ITSN1: variants seen among roughly 807,000 people sequenced by gnomAD.
ITSN1 encodes the protein intersectin 1, also known as intersectin-1.
In ITSN1, 58 loss-of-function variants were observed where a neutral mutation model predicts 239.8. The ratio of observed to expected loss-of-function variants is 0.24; its 90% CI spans 0.20 to 0.30. The LOEUF (loss-of-function observed/expected upper bound fraction) is 0.30, where lower values mean the gene tolerates loss of function less well. Among genes scored for constraint, ITSN1 ranks in the 10% least tolerant of loss-of-function variants. ITSN1 has a pLI of 1.00. For missense variants in ITSN1, 1,558 were observed against 2,103.3 expected (o/e 0.74, Z 5.07); for synonymous variants, 780 against 770.8 (o/e 1.01, Z -0.20).
chr21:33,720,744 C>T (rs2147085922), intron 2 of ITSN1, among the ~76,000 whole-genome samples: 1 of 152,194 alleles, frequency 6.6e-6, no homozygotes, highest in Admixed American at 6.6e-5. Flanking sequence ...TAATCACCCC[C>T]CAAAAGATTT....
At chr21:33,682,326 G>A (rs1040704676) in intron 1 of ITSN1, among the ~76,000 whole-genome samples, 3 of 149,656 alleles carry the variant, frequency 2.0e-5, no homozygotes, top group Non-Finnish European at 3.0e-5. Context: ...AGCGATTCTC[G>A]CTTCTCAGCC....
At chr21:33,726,852 A>G (rs541728457) in intron 4 of ITSN1, among the ~76,000 whole-genome samples, 120 of 152,260 alleles carry the variant, frequency 7.9e-4, no homozygotes, top group African/African-American at 2.8e-3. Flanking sequence ...AGAATTGGAA[A>G]CTGTGTCTAG....
At position 33,893,704 on chromosome 21, in the gene ITSN1, T is replaced by G. The variant is rs1424368015; in HGVS notation, c.*5404T>G. Reference sequence around the variant, plus strand: ...ACAGCTTCCTCTGGATCCTGCTTCTTTGTACTTGGAACACAGTTTATTTGA... The same window carrying G: ...ACAGCTTCCTCTGGATCCTGCTTCTGTGTACTTGGAACACAGTTTATTTGA... On this transcript the variant is annotated 3_prime_UTR_variant, in exon 40 of 40. Coordinates refer to ENST00000381318, the MANE Select transcript of ITSN1 (RefSeq NM_003024.3). 6.6e-6 allele frequency: 1 copy of G among 152,228 alleles called. No homozygotes were observed. Among genetic ancestry groups the G allele is most frequent in the Non-Finnish European group, 1.5e-5 (1 of 68,054 alleles). 9.4% of individuals were successfully genotyped at this position (152,228 alleles called of 1,614,324 possible).
intron 34 of ITSN1, among the ~76,000 whole-genome samples, chr21:33,878,008 T>TTG (rs71194867): frequency 0.021 from 2,980 of 140,240 alleles, 30 homozygotes; most frequent in Middle Eastern, 0.029. Context: ...CTCTCTCTCT[T>TTG]TGTGTGTGTG....
chr21:33,888,163 C>G lies in ITSN1; in HGVS notation c.5029C>G (p.Arg1677Gly). The change falls in exon 40 of 40, where the codon CGG (arginine) becomes GGG (glycine). Residue 1677 changes from arginine (R) to glycine (G), a missense_variant. Coordinates refer to ENST00000381318, the MANE Select transcript of ITSN1 (RefSeq NM_003024.3). ...DQFSPDDFLG[R>G]TEIRVADIKK... is the part of the protein sequence containing the mutation. ...TGTTCTCTTTTCAGATTTTTTGGGT[C>G]GGACGGAGATCCGTGTGGCGGACAT... is the stretch of plus-strand genomic sequence containing the variant. The G allele has an allele frequency of 6.2e-7, 1 of 1,613,844 alleles. No homozygotes were observed. The highest frequency in any genetic ancestry group is 8.5e-7 in the Non-Finnish European group (1 of 1,179,930).
chr21:33,846,212 A>G (rs989070313), intron 29 of ITSN1, among the ~76,000 whole-genome samples: 3 of 152,144 alleles, frequency 2.0e-5, no homozygotes, highest in African/African-American at 7.2e-5. Flanking sequence ...AGCCACTGGT[A>G]GGCCCCAGCT....
chr21:33,823,223 G>C lies in ITSN1; in HGVS notation c.3017-264G>C, dbSNP rs374181143. The stretch of plus-strand genomic sequence containing the variant: ...ATCACTCTTAAATACTCAAGTGTCG[G>C]TAAACATGCAGTTGGGTTTTTTATT... On this transcript the variant is annotated intron_variant, in intron 24 of 39. Coordinates refer to ENST00000381318, the MANE Select transcript of ITSN1 (RefSeq NM_003024.3). Among the ~76,000 whole-genome samples, 163 of 152,300 alleles carry C rather than the reference G, an allele frequency of 1.1e-3. 1 individual carries two copies. The highest frequency in any genetic ancestry group is 3.1e-3 in the South Asian group (15 of 4,828).
At chr21:33,677,157 TA>T (rs578187040) in intron 1 of ITSN1, among the ~76,000 whole-genome samples, 2 of 150,250 alleles carry the variant, frequency 1.3e-5, no homozygotes, top group East Asian at 2.0e-4. Flanking sequence ...AAAGTATAAT[TA>T]AAAAAAAAGA....
At chr21:33,723,480 G>A (rs768407216) in intron 4 of ITSN1, among the ~76,000 whole-genome samples, 11 of 152,156 alleles carry the variant, frequency 7.2e-5, no homozygotes, top group Non-Finnish European at 1.6e-4. Context: ...CAGGTGTGGT[G>A]GCGGGCGCCT....
chr21:33,814,185 G>C (rs1179232274), intron 22 of ITSN1, 113 bp downstream of exon 22: 7 of 1,212,384 alleles, frequency 5.8e-6, no homozygotes, highest in Non-Finnish European at 8.0e-6. Flanking sequence ...TGTGTGTCTT[G>C]GTTGGCTGGC....
chr21:33,834,080 C>T (rs2074461032), intron 27 of ITSN1, among the ~76,000 whole-genome samples: 1 of 152,210 alleles, frequency 6.6e-6, no homozygotes, highest in Non-Finnish European at 1.5e-5. Flanking sequence ...TCCACACAGT[C>T]TAGCCGAAGC....
intron 20 of ITSN1, among the ~76,000 whole-genome samples, chr21:33,802,689 C>A (rs947270482): frequency 1.3e-5 from 2 of 152,010 alleles, no homozygotes; most frequent in African/African-American, 4.8e-5. Flanking sequence ...CTGTGTTTGG[C>A]AAGGGATTAG....
In ITSN1 at chr21:33,797,362, A is replaced by C. The variant is rs1416551743; in HGVS notation, c.1953-17A>C. 6.2e-7 allele frequency: 1 copy of C among 1,609,862 alleles called. No individual in the cohort carries two copies. Among genetic ancestry groups the C allele is most frequent in the Non-Finnish European group, 8.5e-7 (1 of 1,176,660 alleles). The stretch of plus-strand genomic sequence containing the variant: ...TAGAGTTGCTTTCTTGCTGTAATCA[A>C]GCGTGTTTGTTGGCAGACGAGCTCA... On this transcript the variant is annotated splice_polypyrimidine_tract_variant and intron_variant, in intron 17 of 39. Transcript: ENST00000381318. The surrounding 1 kb of genome is among the most constrained non-coding windows in gnomAD (Gnocchi z 4.9).
intron 5 of ITSN1, among the ~76,000 whole-genome samples, chr21:33,744,344 T>C (rs1042417850): frequency 6.6e-6 from 1 of 152,188 alleles, no homozygotes; most frequent in Non-Finnish European, 1.5e-5. Context: ...ATAACAAATA[T>C]AATAGTATCA....
At chr21:33,721,137 T>A in intron 2 of ITSN1, 41 bp from the exon 3 acceptor site, 1 of 1,376,244 alleles carries the variant, frequency 7.3e-7, no homozygotes, top group Non-Finnish European at 1.0e-6. Context: ...TGTTTTCCTT[T>A]TCTCACTGAA....
intron 1 of ITSN1, among the ~76,000 whole-genome samples, chr21:33,694,827 A>T (rs1232513582): frequency 6.6e-6 from 1 of 152,128 alleles, no homozygotes. Flanking sequence ...AAAAAAAACA[A>T]AAAACAAAAA....
At chr21:33,858,287 A>G (rs1025835814) in intron 30 of ITSN1, among the ~76,000 whole-genome samples, 1 of 152,138 alleles carries the variant, frequency 6.6e-6, no homozygotes, top group Non-Finnish European at 1.5e-5. Flanking sequence ...ACCTATGCAG[A>G]TGAAGGGACT....
At chr21:33,810,146 T>C (rs2072796737) in intron 20 of ITSN1, among the ~76,000 whole-genome samples, 1 of 152,242 alleles carries the variant, frequency 6.6e-6, no homozygotes, top group Non-Finnish European at 1.5e-5. Context: ...CATTCTCCTG[T>C]TGCTCATAAA....
At chr21:33,669,770 A>G (rs1321897266) in intron 1 of ITSN1, among the ~76,000 whole-genome samples, 1 of 152,062 alleles carries the variant, frequency 6.6e-6, no homozygotes, top group Non-Finnish European at 1.5e-5. Flanking sequence ...GTTTGTGGGT[A>G]GAAAACGTCT....
Sources: gnomAD v4.1 joint callset for allele counts (sites outside exome capture counted in the v4.1 genomes callset) on GRCh38, gnomAD v4.1.1 for gene constraint, Gnocchi (gnomAD v3.1) non-coding constraint, MANE v1.5 for transcripts, NCBI Gene and HGNC (gene_info 2026-07-23, HGNC 2026-07-21) for gene names.